Variants in CLMN observed in about 807,000 individuals in gnomAD.
The protein encoded by CLMN is calmin (calponin-like, transmembrane).
Under a neutral mutation model 92.7 loss-of-function variants are expected in CLMN, and 57 were observed. The observed-to-expected ratio is 0.61, with a 90% CI of 0.50 to 0.77. CLMN has a LOEUF of 0.77. Ranked by LOEUF, CLMN falls within the 30% of genes least tolerant of loss-of-function variation. CLMN has a pLI of 0.00. For synonymous variants in CLMN, 466 were observed against 470.6 expected, an observed-to-expected ratio of 0.99 and a Z score of 0.13; for missense variants, 1,158 against 1,237.5, an observed-to-expected ratio of 0.94 and a Z score of 0.96.
intron 1 of CLMN, among the ~76,000 whole-genome samples, chr14:95,250,648 C>CA (rs140532518): frequency 6.6e-6 from 1 of 152,304 alleles, no homozygotes; most frequent in Non-Finnish European, 1.5e-5. Context: ...GCAAGAAATG[C>CA]AAAACAATTA....
chr14:95,215,480 T>C (rs1455140289), intron 5 of CLMN, among the ~76,000 whole-genome samples, 161 bp downstream of exon 5: 3 of 152,226 alleles, frequency 2.0e-5, no homozygotes, highest in Non-Finnish European at 2.9e-5. Flanking sequence ...TCAAACACTT[T>C]AGCAACCAGA....
chr14:95,287,429 G>T (rs1209991333), intron 1 of CLMN, among the ~76,000 whole-genome samples: 4 of 152,192 alleles, frequency 2.6e-5, no homozygotes, highest in African/African-American at 9.7e-5. Context: ...CTGGGATGCT[G>T]GATGCTGTAG....
chr14:95,312,007 G>A (rs569802753), intron 1 of CLMN, among the ~76,000 whole-genome samples: 33 of 152,220 alleles, frequency 2.2e-4, no homozygotes, highest in African/African-American at 5.8e-4. Flanking sequence ...TGCCAGCCCC[G>A]TGACCAGAGC....
intron 5 of CLMN, among the ~76,000 whole-genome samples, chr14:95,214,592 C>A (rs1197371845): frequency 6.6e-6 from 1 of 152,048 alleles, no homozygotes; most frequent in East Asian, 1.9e-4. Context: ...GCTCAAGCGA[C>A]CCTGCCGCCA....
In CLMN at chr14:95,198,741, C is replaced by T. The variant is rs909514613; in HGVS notation, c.2512-2047G>A. On this transcript the variant is annotated intron_variant, in intron 9 of 12. Coordinates refer to ENST00000298912, the MANE Select transcript of CLMN (RefSeq NM_024734.4). ...CAACCCAGGGCTCTTTCAGCCACAC[C>T]GCAAATCACCTGTCCAAGTGCTGGA... 2.0e-5 allele frequency among the ~76,000 whole-genome samples: 3 copies of T among 152,112 alleles called. 1 individual carries two copies. Among genetic ancestry groups the T allele is most frequent in the Non-Finnish European group, 4.4e-5 (3 of 68,022 alleles).
rs201378883 is a variant in CLMN at position 95,293,398 on chromosome 14, CTCCT to C, written c.82+26309_82+26312del. ...CTTCCCTCCCTCCTTCCTTCCCTCC[CTCCT>C]TCCTTCCTTCCTTCTCTCAATACCT... On this transcript the variant is annotated intron_variant, in intron 1 of 12. Transcript: ENST00000298912. Among the ~76,000 whole-genome samples the C allele has an allele frequency of 7.7e-3, 887 of 115,484 alleles. 13 individuals are homozygous for C. Among genetic ancestry groups the C allele is most frequent in the Middle Eastern group, 0.022 (4 of 184 alleles). 75.8% of individuals were successfully genotyped at this position (115,484 alleles called of 152,430 possible). A position where few individuals can be genotyped will look rare whatever the true frequency, so the allele number is the denominator to read the frequency against.
intron 9 of CLMN, among the ~76,000 whole-genome samples, chr14:95,197,406 AAAG>A (rs920018302): frequency 6.7e-6 from 1 of 150,182 alleles, no homozygotes; most frequent in Non-Finnish European, 1.5e-5. Flanking sequence ...AAAAAGAAAA[AAAG>A]AAAGAAAGAA....
intron 1 of CLMN, among the ~76,000 whole-genome samples, chr14:95,237,770 C>A (rs990188807): frequency 2.0e-5 from 3 of 152,154 alleles, no homozygotes; most frequent in Admixed American, 2.0e-4. Context: ...TCTTGCCCAA[C>A]CTTTTATATA....
intron 1 of CLMN, among the ~76,000 whole-genome samples, chr14:95,292,252 T>C (rs1415473187): frequency 6.6e-6 from 1 of 152,212 alleles, no homozygotes; most frequent in African/African-American, 2.4e-5. Context: ...CATTTCTGGG[T>C]GGCATCATTT....
At chr14:95,218,945 G>T (rs1897439086) in intron 4 of CLMN, among the ~76,000 whole-genome samples, 1 of 152,208 alleles carries the variant, frequency 6.6e-6, no homozygotes, top group South Asian at 2.1e-4. Context: ...TGCCACACCT[G>T]TTCCTAGGCT....
At position 95,183,725 on chromosome 14, in the gene CLMN, C is replaced by A. The variant is rs1896377990; in HGVS notation, c.*7839G>T. Reference sequence around the variant, plus strand: ...ACACTGAGATTTTACTGCAAAAGACCCTTTCAAGGCGGCCATTTTGGTTGC... The same window carrying A: ...ACACTGAGATTTTACTGCAAAAGACACTTTCAAGGCGGCCATTTTGGTTGC... On this transcript the variant is annotated 3_prime_UTR_variant, in exon 13 of 13. Coordinates refer to ENST00000298912, the MANE Select transcript of CLMN (RefSeq NM_024734.4). 6.6e-6 allele frequency: 1 copy of A among 152,170 alleles called. No homozygotes were observed. Among genetic ancestry groups the A allele is most frequent in the Non-Finnish European group, 1.5e-5 (1 of 68,040 alleles). 9.4% of individuals were successfully genotyped at this position (152,170 alleles called of 1,614,324 possible).
chr14:95,245,774 A>G (rs1272424671), intron 1 of CLMN, among the ~76,000 whole-genome samples: 6 of 109,512 alleles, frequency 5.5e-5, no homozygotes, highest in Admixed American at 1.9e-4. Context: ...ATGAATGGAT[A>G]GGTGGGTGGG....
chr14:95,191,464 T>G lies in CLMN; in HGVS notation c.*100A>C. The G allele has an allele frequency of 1.1e-6, 1 of 879,776 alleles. No individual in the cohort carries two copies. The highest frequency in any genetic ancestry group is 1.6e-6 in the Non-Finnish European group (1 of 623,444). The allele number at this position is 879,776 out of a possible 1,614,324, so 54.5% of individuals were successfully genotyped here. A position where few individuals can be genotyped will look rare whatever the true frequency, so the allele number is the denominator to read the frequency against. Reference sequence around the variant, plus strand: ...GGGGTCTAAGTTTCCTCGGAGGTCCTCAACTGTCTGTAGAAGTGCCCCACC... The same window carrying G: ...GGGGTCTAAGTTTCCTCGGAGGTCCGCAACTGTCTGTAGAAGTGCCCCACC... On this transcript the variant is annotated 3_prime_UTR_variant, in exon 13 of 13. Coordinates refer to ENST00000298912, the MANE Select transcript of CLMN (RefSeq NM_024734.4). This position sits in a 1 kb window ranked among gnomAD's most constrained non-coding sequence, Gnocchi z 5.3.
intron 1 of CLMN, among the ~76,000 whole-genome samples, chr14:95,271,184 TC>T (rs1316908803): frequency 6.6e-6 from 1 of 152,260 alleles, no homozygotes; most frequent in Non-Finnish European, 1.5e-5. Flanking sequence ...ATGCAAGAGT[TC>T]TTTATTCATT....
chr14:95,189,369 T>G lies in CLMN; in HGVS notation c.*2195A>C, dbSNP rs376172529. 5 of 152,326 alleles carry G rather than the reference T, an allele frequency of 3.3e-5. No individual in the cohort carries two copies. The East Asian group carries it at 5.8e-4, about 18-fold the overall frequency. The allele number at this position is 152,326 out of a possible 1,614,324, so 9.4% of individuals were successfully genotyped here. ...GTATTTCTTTTAATTTAAAAAAAAT[T>G]TACAAGCAATGGGGTGGTTTGTCCT... On this transcript the variant is annotated 3_prime_UTR_variant, in exon 13 of 13. Coordinates refer to ENST00000298912, the MANE Select transcript of CLMN (RefSeq NM_024734.4).
Position 95,259,992 on chromosome 14 carries a change from G to A in CLMN, c.83-29859C>T, listed in dbSNP as rs529376660. 1.1e-3 allele frequency among the ~76,000 whole-genome samples: 163 copies of A among 152,212 alleles called. 8 individuals are homozygous for A. In the South Asian group the frequency reaches 0.032, roughly 30 times the overall value. On this transcript the variant is annotated intron_variant, in intron 1 of 12. Coordinates refer to ENST00000298912, the MANE Select transcript of CLMN (RefSeq NM_024734.4). This position sits in a 1 kb window ranked among gnomAD's most constrained non-coding sequence, Gnocchi z 4.3. ...ACCTGCTCGTCAAATTCCTCTGGCT[G>A]CCCTCCCTAAGATAGGGGTGGCACT...
intron 1 of CLMN, among the ~76,000 whole-genome samples, chr14:95,289,261 C>T (rs1173640497): frequency 6.6e-6 from 1 of 152,150 alleles, no homozygotes; most frequent in East Asian, 1.9e-4. Flanking sequence ...GAGGCCAATA[C>T]AGGCAGATTG....
intron 1 of CLMN, among the ~76,000 whole-genome samples, chr14:95,239,805 G>A (rs115188987): frequency 0.026 from 3,893 of 152,282 alleles, 143 homozygotes; most frequent in African/African-American, 0.076. Flanking sequence ...GAATCGCAAC[G>A]TTCTTACAGA....
chr14:95,218,463 C>T (rs1228895905), intron 4 of CLMN, among the ~76,000 whole-genome samples: 4 of 152,194 alleles, frequency 2.6e-5, no homozygotes, highest in Admixed American at 6.5e-5. Context: ...CAGCACCTAA[C>T]GGCATCTGAA....
Sources: allele counts gnomAD v4.1 joint callset (sites outside exome capture counted in the v4.1 genomes callset), GRCh38; gene constraint gnomAD v4.1.1; non-coding constraint Gnocchi (gnomAD v3.1); transcripts MANE v1.5; gene names NCBI Gene and HGNC (gene_info 2026-07-23, HGNC 2026-07-21).